Variants in NRG4 observed in about 807,000 individuals in gnomAD.
NRG4 encodes pro-neuregulin-4, membrane-bound isoform.
In NRG4, 10 loss-of-function variants were observed where a neutral mutation model predicts 15.0. The observed-to-expected ratio is 0.67, with a 90% CI of 0.41 to 1.13. NRG4 has a LOEUF of 1.13. Ranked by LOEUF, NRG4 falls within the 50% of genes most tolerant of loss-of-function variation. The probability of loss-of-function intolerance (pLI) is 0.00; values close to 1 mark genes in which losing one functional copy is unlikely to be tolerated. For synonymous variants in NRG4, 41 were observed against 50.1 expected (o/e 0.82, Z 0.77); for missense variants, 139 against 140.2 (o/e 0.99, Z 0.04).
intron 5 of NRG4, among the ~76,000 whole-genome samples, chr15:75,954,979 T>C (rs1253803508): frequency 6.6e-6 from 1 of 152,062 alleles, no homozygotes; most frequent in Non-Finnish European, 1.5e-5. Context: ...GCAAACACCT[T>C]TCTATGTACT....
chr15:75,940,248 G>A (rs1232403203), downstream of NRG4: 3 of 151,928 alleles, frequency 2.0e-5, no homozygotes, highest in Admixed American at 1.3e-4. Flanking sequence ...TTACCATAGC[G>A]TCAAAAAGAA....
chr15:76,053,555 T>C (rs924500377), intron 2 of NRG4, among the ~76,000 whole-genome samples: 1 of 150,888 alleles, frequency 6.6e-6, no homozygotes, highest in African/African-American at 2.5e-5. Flanking sequence ...TTTACTTATT[T>C]TTTATTTTTT....
intron 5 of NRG4, among the ~76,000 whole-genome samples, chr15:75,952,831 T>G (rs879634294): frequency 2.6e-5 from 4 of 152,148 alleles, no homozygotes; most frequent in African/African-American, 9.7e-5. Context: ...AATCCTTTGC[T>G]CATTTTTAAA....
intron 5 of NRG4, among the ~76,000 whole-genome samples, chr15:76,024,473 C>T (rs1001035824): frequency 6.6e-6 from 1 of 152,240 alleles, no homozygotes; most frequent in Non-Finnish European, 1.5e-5. Context: ...CGGGATACCC[C>T]TGACAGACAT....
chr15:75,970,237 A>G (rs2141831048), intron 3 of NRG4, among the ~76,000 whole-genome samples: 1 of 152,380 alleles, frequency 6.6e-6, no homozygotes, highest in East Asian at 1.9e-4. Context: ...AAAATTGCTG[A>G]GAGACCAAAA....
intron 3 of NRG4, among the ~76,000 whole-genome samples, chr15:76,008,801 G>C (rs1208656930): frequency 6.6e-6 from 1 of 152,058 alleles, no homozygotes; most frequent in Non-Finnish European, 1.5e-5. Flanking sequence ...CAGTTATCAT[G>C]TGTTTATGTA....
At chr15:76,001,923 A>T (rs1212805540) in intron 3 of NRG4, among the ~76,000 whole-genome samples, 2 of 152,230 alleles carry the variant, frequency 1.3e-5, no homozygotes, top group African/African-American at 4.8e-5. Context: ...CCTGTATGGA[A>T]CAAGGGGATA....
intron 2 of NRG4, among the ~76,000 whole-genome samples, chr15:76,055,771 T>C (rs1212682743): frequency 6.6e-6 from 1 of 152,246 alleles, no homozygotes; most frequent in Non-Finnish European, 1.5e-5. Flanking sequence ...CATGGAGGAC[T>C]ATTTTATTAT....
chr15:75,976,634 G>A (rs1162709540), intron 3 of NRG4, among the ~76,000 whole-genome samples: 3 of 152,196 alleles, frequency 2.0e-5, no homozygotes, highest in Non-Finnish European at 4.4e-5. Flanking sequence ...TCCAGACCCC[G>A]TTTGCCTGTG....
intron 3 of NRG4, among the ~76,000 whole-genome samples, chr15:75,997,281 T>C (rs2034250920): frequency 1.3e-5 from 2 of 152,124 alleles, no homozygotes; most frequent in Admixed American, 6.6e-5. Context: ...TGCAAAGATA[T>C]ATATTGCAAA....
chr15:76,040,937 T>TA (rs1239460885), intron 4 of NRG4, among the ~76,000 whole-genome samples: 7 of 152,110 alleles, frequency 4.6e-5, no homozygotes, highest in Non-Finnish European at 7.4e-5. Flanking sequence ...ATAATAATGA[T>TA]AATAATAACT....
At chr15:75,950,179 T>C in intron 5 of NRG4, among the ~76,000 whole-genome samples, 1 of 152,190 alleles carries the variant, frequency 6.6e-6, no homozygotes, top group Admixed American at 6.5e-5. Flanking sequence ...ACATAGGCCT[T>C]TCGTATTTTT....
At chr15:75,955,148 G>A (rs2032160216) in intron 5 of NRG4, among the ~76,000 whole-genome samples, 1 of 152,070 alleles carries the variant, frequency 6.6e-6, no homozygotes, top group Non-Finnish European at 1.5e-5. Flanking sequence ...GTACTCAGCT[G>A]AATACTTGAA....
At chr15:75,959,120 T>C in intron 4 of NRG4, 1 of 415,030 alleles carries the variant, frequency 2.4e-6, no homozygotes, top group Non-Finnish European at 4.8e-6. Context: ...CAGCTAGGAC[T>C]ACATGCATGT....
chr15:76,013,258 C>T (rs957754543), upstream of NRG4, among the ~76,000 whole-genome samples: 8 of 151,728 alleles, frequency 5.3e-5, no homozygotes, highest in South Asian at 2.1e-4. Context: ...ACCCGGGAGG[C>T]GGAGCTTGCA....
At chr15:75,974,463 T>C (rs1489952329) in intron 3 of NRG4, among the ~76,000 whole-genome samples, 1 of 152,124 alleles carries the variant, frequency 6.6e-6, no homozygotes, top group Non-Finnish European at 1.5e-5. Context: ...TGTTAGGGTG[T>C]TGATCTTTCT....
chr15:76,050,545 C>A (rs2035975072), intron 4 of NRG4, among the ~76,000 whole-genome samples: 1 of 147,494 alleles, frequency 6.8e-6, no homozygotes, highest in Non-Finnish European at 1.5e-5. Context: ...ATTCTCTTCC[C>A]TCAGCCTCCC....
rs910114180 is a variant in NRG4 at position 75,977,690 on chromosome 15, G to A, written c.105-15716C>T. Among the ~76,000 whole-genome samples, 3 of 151,966 alleles carry A rather than the reference G, an allele frequency of 2.0e-5. No individual in the cohort carries two copies. The highest frequency in any genetic ancestry group is 4.8e-5 in the African/African-American group (2 of 41,378). On this transcript the variant is annotated intron_variant, in intron 3 of 5. Transcript: ENST00000394907. This position sits in a 1 kb window ranked among gnomAD's most constrained non-coding sequence, Gnocchi z 4.9. Reference sequence around the variant, plus strand: ...TGAGATAAGCCGGGTACTTCAGTTGGAAATGCAGAAATCACCTGCCTTCTG... The same window carrying A: ...TGAGATAAGCCGGGTACTTCAGTTGAAAATGCAGAAATCACCTGCCTTCTG...
intron 5 of NRG4, among the ~76,000 whole-genome samples, chr15:75,954,948 G>T (rs79557818): frequency 1.7e-3 from 253 of 152,076 alleles, no homozygotes; most frequent in Admixed American, 4.8e-3. Context: ...TTAATCTAGG[G>T]CTAGTATTCC....
Sources: gnomAD v4.1 joint callset for allele counts (sites outside exome capture counted in the v4.1 genomes callset) on GRCh38, gnomAD v4.1.1 for gene constraint, Gnocchi (gnomAD v3.1) non-coding constraint, MANE v1.5 for transcripts, NCBI Gene and HGNC (gene_info 2026-07-23, HGNC 2026-07-21) for gene names.